Variants in SEL1L3 observed in about 807,000 individuals in gnomAD.
SEL1L3 encodes SEL1L family member 3, also known as protein sel-1 homolog 3.
In SEL1L3, 76 loss-of-function variants were observed where a neutral mutation model predicts 142.8. The ratio of observed to expected loss-of-function variants is 0.53; its 90% CI spans 0.44 to 0.64. SEL1L3 has a LOEUF of 0.64. SEL1L3 is among the 30% of genes least tolerant of loss of function. The probability of loss-of-function intolerance (pLI) is 0.00; values close to 1 mark genes in which losing one functional copy is unlikely to be tolerated. For synonymous variants in SEL1L3, 504 were observed against 519.6 expected (o/e 0.97, Z 0.41); for missense variants, 1,262 against 1,381.7 (o/e 0.91, Z 1.37).
Position 25,802,404 on chromosome 4 carries a change from A to G in SEL1L3, c.1835T>C (p.Leu612Pro). ...QGSERLSSMNLGYKHYQGIDN... is the reference protein window; with the variant it reads ...QGSERLSSMNPGYKHYQGIDN... ...AATACCCTGGTAGTGTTTATACCCA[A>G]GATTCATTGAAGACAGCCTCTCACT... is the stretch of plus-strand genomic sequence containing the variant. Residue 612 changes from leucine (L) to proline (P), a missense_variant, in exon 11 of 24, where the codon CTT (leucine) becomes CCT (proline). By Grantham distance (98) the Leu-to-Pro change is moderately conservative. This residue lies in a region of SEL1L3 where 435 missense variants were observed against 559.2 expected (regional missense o/e 0.78). Transcript: ENST00000399878. The G allele has an allele frequency of 1.2e-6, 2 of 1,613,946 alleles. No homozygotes were observed. The highest frequency in any genetic ancestry group is 1.1e-5 in the South Asian group (1 of 91,068).
the SEL1L3 span, among the ~76,000 whole-genome samples, chr4:25,733,711 G>T: frequency 1.3e-5 from 2 of 151,804 alleles, no homozygotes; most frequent in African/African-American, 4.8e-5. Flanking sequence ...AGTAGAGACG[G>T]GGTTTCACTA....
Position 25,767,569 on chromosome 4 carries a change from CTCCAAA to C in SEL1L3, c.2795_2800del (p.Val932_Arg934delinsGly). On this transcript the variant is annotated inframe_deletion, in exon 19 of 24. Transcript: ENST00000399878. ...TTGAAAAACAGAGAAATTATAGTAT[CTCCAAA>C]CACAGTTAACACCCAAGTATCTCCT... 2.5e-6 allele frequency: 4 copies of C among 1,602,406 alleles called. No homozygotes were observed. The highest frequency in any genetic ancestry group is 3.4e-6 in the Non-Finnish European group (4 of 1,172,484).
chr4:25,848,240 T>C (rs1160981378), intron 1 of SEL1L3, among the ~76,000 whole-genome samples: 1 of 152,202 alleles, frequency 6.6e-6, no homozygotes, highest in East Asian at 1.9e-4. Context: ...CTTCAGACAT[T>C]TTCAAACCAT....
chr4:25,791,817 G>A (rs963939687), intron 11 of SEL1L3, among the ~76,000 whole-genome samples: 1 of 152,002 alleles, frequency 6.6e-6, no homozygotes, highest in Non-Finnish European at 1.5e-5. Flanking sequence ...GGAGGCTGAG[G>A]CACGAGAATC....
In SEL1L3 at chr4:25,847,751, G is replaced by A. The variant is rs115865135; in HGVS notation, c.276C>T (p.Asn92=). Residue 92 remains asparagine, a synonymous_variant, in exon 2 of 24, where the codon AAC becomes AAT. Coordinates refer to ENST00000399878, the MANE Select transcript of SEL1L3 (RefSeq NM_015187.5). ...DFIYFTVFEG[N]VRNVSEVSVE... ...CCGAGACTTCAGAAACGTTGCGAAC[G>A]TTTCCTTCAAAGACAGTAAAATAAA... 1,369 of 1,613,704 alleles carry A rather than the reference G, an allele frequency of 8.5e-4. 7 individuals carry two copies. In the African/African-American group the frequency reaches 9.5e-3, roughly 11 times the overall value.
chr4:25,779,292 G>C (rs990817070), intron 15 of SEL1L3, 89 bp from the exon 16 acceptor site: 14 of 1,385,322 alleles, frequency 1.0e-5, no homozygotes, highest in Non-Finnish European at 1.4e-5. Context: ...AGCCTGATAT[G>C]ATTACAGGCT....
At chr4:25,804,473 G>A in intron 10 of SEL1L3, 68 bp downstream of exon 10, 1 of 1,153,316 alleles carries the variant, frequency 8.7e-7, no homozygotes, top group South Asian at 1.3e-5. Context: ...TCTACCAGGG[G>A]CACGAGAGCA....
At chr4:25,796,030 C>T (rs1212532568) in intron 11 of SEL1L3, among the ~76,000 whole-genome samples, 2 of 152,076 alleles carry the variant, frequency 1.3e-5, no homozygotes, top group African/African-American at 4.8e-5. Context: ...TCCTCCATGG[C>T]ATCTGGGTTT....
the SEL1L3 span, among the ~76,000 whole-genome samples, chr4:25,725,621 G>C: frequency 3.3e-5 from 5 of 151,988 alleles, no homozygotes; most frequent in African/African-American, 9.7e-5. Flanking sequence ...GCCCTGGTTG[G>C]CTATTTTTAT....
intron 17 of SEL1L3, among the ~76,000 whole-genome samples, chr4:25,768,542 T>G (rs902368182): frequency 6.6e-6 from 1 of 152,188 alleles, no homozygotes; most frequent in African/African-American, 2.4e-5. Context: ...GTCTTAAGAA[T>G]GTACATACCA....
At position 25,768,011 on chromosome 4, in the gene SEL1L3, G is replaced by A. The variant is rs112644969; in HGVS notation, c.2670-181C>T. On this transcript the variant is annotated intron_variant, in intron 17 of 23. Coordinates refer to ENST00000399878, the MANE Select transcript of SEL1L3 (RefSeq NM_015187.5). ...TACTGCATGCACTGATTTATTTTCT[G>A]TCTTAAAGGCTGAACTCACAGACAA... Among the ~76,000 whole-genome samples the A allele has an allele frequency of 1.9e-3, 287 of 152,154 alleles. 1 individual carries two copies. The highest frequency in any genetic ancestry group is 5.4e-3 in the African/African-American group (225 of 41,504).
chr4:25,742,181 G>GTATTTATT, the SEL1L3 span, among the ~76,000 whole-genome samples: 7 of 151,840 alleles, frequency 4.6e-5, no homozygotes, highest in Non-Finnish European at 1.0e-4. Flanking sequence ...TTCATTTGAA[G>GTATTTATT]TATTTATTTA....
the SEL1L3 span, among the ~76,000 whole-genome samples, chr4:25,734,714 G>A: frequency 9.9e-5 from 15 of 151,814 alleles, no homozygotes; most frequent in South Asian, 3.1e-3. Context: ...GATTACAGGC[G>A]CCCACCACAA....
rs1355949249 is a variant in SEL1L3 at position 25,844,903 on chromosome 4, C to G, written c.733+2391G>C. ...CATTTAACTACCCATCCCACCCTCC[C>G]CACTATGTGCACACACACAGAAAGG... On this transcript the variant is annotated intron_variant, in intron 2 of 23. Coordinates refer to ENST00000399878, the MANE Select transcript of SEL1L3 (RefSeq NM_015187.5). Among the ~76,000 whole-genome samples the G allele has an allele frequency of 2.0e-5, 3 of 152,190 alleles. No homozygotes were observed. In the East Asian group the frequency reaches 5.8e-4, roughly 29 times the overall value.
chr4:25,742,399 TG>T, the SEL1L3 span, among the ~76,000 whole-genome samples: 1 of 152,158 alleles, frequency 6.6e-6, no homozygotes, highest in African/African-American at 2.4e-5. Context: ...TTGCCCTGGC[TG>T]GGCTCCACCT....
chr4:25,780,979 CCA>C (rs1719962664), intron 15 of SEL1L3, among the ~76,000 whole-genome samples: 1 of 151,584 alleles, frequency 6.6e-6, no homozygotes, highest in Non-Finnish European at 1.5e-5. Flanking sequence ...GCATGCACCA[CCA>C]CACCTGGATA....
intron 9 of SEL1L3, among the ~76,000 whole-genome samples, chr4:25,808,886 G>C (rs1229347651): frequency 1.6e-4 from 25 of 152,232 alleles, no homozygotes; most frequent in Middle Eastern, 3.2e-3. Context: ...TGGCTAACAC[G>C]GTGAAACCCC....
intron 11 of SEL1L3, among the ~76,000 whole-genome samples, chr4:25,799,903 G>A (rs1302366568): frequency 6.6e-6 from 1 of 151,762 alleles, no homozygotes; most frequent in African/African-American, 2.4e-5. Context: ...AGAAAATGTA[G>A]AGAGAGAACA....
Position 25,862,765 on chromosome 4 carries a change from G to A in SEL1L3, c.72C>T (p.Gly24=). The A allele has an allele frequency of 1.7e-6, 2 of 1,206,424 alleles. No individual in the cohort carries two copies. Among genetic ancestry groups the A allele is most frequent in the East Asian group, 3.5e-5 (1 of 28,750 alleles). 74.7% of individuals were successfully genotyped at this position (1,206,424 alleles called of 1,614,324 possible). ...QQQQPPPLAV[G]PRAAAMVPSG... is the part of the protein sequence containing the mutation. ...TCGGGACCATGGCTGCGGCCCGGGG[G>A]CCGACCGCGAGCGGCGGGGGTTGCT... Residue 24 remains glycine, a synonymous_variant, in exon 1 of 24, where the codon GGC becomes GGT. Coordinates refer to ENST00000399878, the MANE Select transcript of SEL1L3 (RefSeq NM_015187.5).
Sources: allele counts gnomAD v4.1 joint callset (sites outside exome capture counted in the v4.1 genomes callset), GRCh38; gene constraint gnomAD v4.1.1; regional missense constraint gnomAD v4.1.1; transcripts MANE v1.5; gene names NCBI Gene and HGNC (gene_info 2026-07-23, HGNC 2026-07-21).